WIPF1: variants seen among roughly 807,000 people sequenced by gnomAD.
WIPF1 encodes the protein WAS/WASL interacting protein family member 1.
WIPF1 carries 13 observed loss-of-function variants against 35.4 expected under a neutral mutation model. The ratio of observed to expected loss-of-function variants is 0.37; its 90% CI spans 0.24 to 0.58. The LOEUF is 0.58. WIPF1 is among the 20% of genes least tolerant of loss of function. WIPF1 has a pLI of 0.74. For missense variants in WIPF1, 591 were observed against 667.0 expected (o/e 0.89, Z 1.25); for synonymous variants, 267 against 266.3 (o/e 1.00, Z -0.02).
chr2:174,594,293 G>T (rs1430181), intron 1 of WIPF1, among the ~76,000 whole-genome samples: 142,799 of 152,280 alleles, frequency 0.94, 67,090 homozygotes, highest in East Asian at 0.99. Flanking sequence ...GAAGCATCTC[G>T]AACATCACTA....
intron 1 of WIPF1, among the ~76,000 whole-genome samples, chr2:174,659,939 G>GTCAC (rs139347895): frequency 0.013 from 2,015 of 152,232 alleles, 40 homozygotes; most frequent in African/African-American, 0.045. Flanking sequence ...ATTTATGCTT[G>GTCAC]TCACTCCAGC....
At chr2:174,576,867 T>C (rs1334597292) in intron 3 of WIPF1, among the ~76,000 whole-genome samples, 1 of 152,248 alleles carries the variant, frequency 6.6e-6, no homozygotes, top group Non-Finnish European at 1.5e-5. Flanking sequence ...TTTGTATTTA[T>C]GAGCTTAAAC....
At chr2:174,613,346 A>G (rs1428049561) in intron 1 of WIPF1, among the ~76,000 whole-genome samples, 1 of 152,170 alleles carries the variant, frequency 6.6e-6, no homozygotes, top group Non-Finnish European at 1.5e-5. Context: ...CTAGTTTAGA[A>G]TTTTTTTATG....
intron 7 of WIPF1, 86 bp downstream of exon 7, chr2:174,566,984 C>T: frequency 7.4e-7 from 1 of 1,355,936 alleles, no homozygotes; most frequent in Non-Finnish European, 1.0e-6. Flanking sequence ...CCACTCCAGG[C>T]AAGAAGCCTG....
intron 1 of WIPF1, among the ~76,000 whole-genome samples, chr2:174,663,815 A>C (rs1366048488): frequency 6.6e-6 from 1 of 152,174 alleles, no homozygotes; most frequent in African/African-American, 2.4e-5. Context: ...CGGGCACAGG[A>C]AAGAATGTGC....
intron 1 of WIPF1, among the ~76,000 whole-genome samples, chr2:174,629,373 G>A (rs150618107): frequency 6.6e-6 from 1 of 152,104 alleles, no homozygotes; most frequent in Non-Finnish European, 1.5e-5. Context: ...ACTTTCCTCT[G>A]TTTTGCAGGG....
rs757146745 is a variant in WIPF1 at position 174,575,216 on chromosome 2, T to G, written c.346A>C (p.Asn116His). 1 of 1,611,266 alleles carries G rather than the reference T, an allele frequency of 6.2e-7. No individual in the cohort carries two copies. Among genetic ancestry groups the G allele is most frequent in the East Asian group, 2.2e-5 (1 of 44,850 alleles). The change falls in exon 4 of 8, where the codon AAC becomes CAC. Residue 116 changes from asparagine to histidine, a missense_variant. Coordinates refer to ENST00000679041, the MANE Select transcript of WIPF1 (RefSeq NM_001375834.1). ...AAACTCTCCTTACCATTATCCCTGT[T>G]GGCCGTGGATCTCAGCTTCGGCATT... ...AGMPKLRSTA[N>H]RDNDSGGSRP...
In WIPF1 at chr2:174,622,838, C is replaced by G. The variant is rs889674750; in HGVS notation, c.-38-37227G>C. ...TCCAGAGGTTACAGAGCTGCCAAGT[C>G]TGGGATTTGAGCTTTTACCTATAAA... On this transcript the variant is annotated intron_variant, in intron 1 of 8. Transcript: ENST00000272746. This position sits in a 1 kb window ranked among gnomAD's most constrained non-coding sequence, Gnocchi z 5.1. Among the ~76,000 whole-genome samples, 1 of 152,188 alleles carries G rather than the reference C, an allele frequency of 6.6e-6. No homozygotes were observed. Among genetic ancestry groups the G allele is most frequent in the Non-Finnish European group, 1.5e-5 (1 of 68,034 alleles).
intron 3 of WIPF1, among the ~76,000 whole-genome samples, chr2:174,576,230 C>CAAAA (rs66562213): frequency 1.0e-4 from 10 of 98,912 alleles, no homozygotes; most frequent in African/African-American, 2.2e-4. Context: ...TGCACTCCAG[C>CAAAA]AAAAAAAAAA....
At position 174,653,592 on chromosome 2, in the gene WIPF1, AT is replaced by A. The variant is rs1215863962; in HGVS notation, c.-39+29181del. 1.8e-4 allele frequency among the ~76,000 whole-genome samples: 28 copies of A among 151,834 alleles called. No homozygotes were observed. In the East Asian group the frequency reaches 5.4e-3, roughly 29 times the overall value. On this transcript the variant is annotated intron_variant, in intron 1 of 8. Coordinates refer to the WIPF1 transcript ENST00000272746. ...TCTACTAAAAATACTAAAAAAAAAA[AT>A]TAGCCGGGTGTGGTGGCGGGTGCCT...
intron 5 of WIPF1, among the ~76,000 whole-genome samples, chr2:174,569,151 T>C (rs1432723040): frequency 6.6e-6 from 1 of 152,226 alleles, no homozygotes; most frequent in Admixed American, 6.5e-5. Flanking sequence ...TGTCTTAAGG[T>C]GCTATAAATA....
chr2:174,648,943 T>C (rs912561715), intron 1 of WIPF1, among the ~76,000 whole-genome samples: 4 of 152,210 alleles, frequency 2.6e-5, no homozygotes, highest in African/African-American at 7.2e-5. Context: ...AATGTAGAGA[T>C]TACATTTCAC....
chr2:174,574,469 G>A (rs1356208558), intron 4 of WIPF1, among the ~76,000 whole-genome samples: 1 of 152,154 alleles, frequency 6.6e-6, no homozygotes, highest in Non-Finnish European at 1.5e-5. Context: ...TTTCCCAGGG[G>A]ACATCTTATA....
At chr2:174,627,288 T>C (rs1686869590) in intron 1 of WIPF1, among the ~76,000 whole-genome samples, 1 of 152,126 alleles carries the variant, frequency 6.6e-6, no homozygotes, top group Non-Finnish European at 1.5e-5. Context: ...AAGATCCACA[T>C]GGAAGATACT....
chr2:174,584,320 GT>G (rs1473892070), intron 2 of WIPF1, among the ~76,000 whole-genome samples: 2 of 152,164 alleles, frequency 1.3e-5, no homozygotes, highest in African/African-American at 4.8e-5. Context: ...CACACTCTGA[GT>G]AACAATAAGC....
At position 174,591,904 on chromosome 2, in the gene WIPF1, G is replaced by A. The variant is rs114821847; in HGVS notation, c.-39+5697C>T. Reference sequence around the variant, plus strand: ...TTAAACATGCAATGTTCGCTACAACGAGCACTGTGAGAGAAAGAGAACTGC... The same window carrying A: ...TTAAACATGCAATGTTCGCTACAACAAGCACTGTGAGAGAAAGAGAACTGC... On this transcript the variant is annotated intron_variant, in intron 1 of 7. Coordinates refer to ENST00000679041, the MANE Select transcript of WIPF1 (RefSeq NM_001375834.1). Among the ~76,000 whole-genome samples, 788 of 152,226 alleles carry A rather than the reference G, an allele frequency of 5.2e-3. 3 individuals are homozygous for A. The highest frequency in any genetic ancestry group is 0.017 in the Middle Eastern group (5 of 294).
intron 3 of WIPF1, among the ~76,000 whole-genome samples, chr2:174,577,157 AT>A (rs1395899603): frequency 6.6e-6 from 1 of 152,154 alleles, no homozygotes; most frequent in East Asian, 1.9e-4. Context: ...ATATTTTGTA[AT>A]TGGTTATTTT....
chr2:174,680,309 T>C (rs1057491228), intron 1 of WIPF1, among the ~76,000 whole-genome samples: 5 of 152,164 alleles, frequency 3.3e-5, no homozygotes, highest in Non-Finnish European at 7.4e-5. Context: ...TGTGACCTGA[T>C]TCGACGTGGG....
At chr2:174,652,111 T>C (rs1687545010) in intron 1 of WIPF1, among the ~76,000 whole-genome samples, 1 of 152,212 alleles carries the variant, frequency 6.6e-6, no homozygotes, top group Non-Finnish European at 1.5e-5. Context: ...GCTTTTTATG[T>C]CTTAGCCTTG....
Sources: allele counts gnomAD v4.1 joint callset (sites outside exome capture counted in the v4.1 genomes callset), GRCh38; gene constraint gnomAD v4.1.1; non-coding constraint Gnocchi (gnomAD v3.1); transcripts MANE v1.5; gene names NCBI Gene and HGNC (gene_info 2026-07-23, HGNC 2026-07-21).